The following PLCH1 variants were observed in gnomAD, a reference collection of about 807,000 sequenced individuals.
PLCH1 encodes the protein 1-phosphatidylinositol 4,5-bisphosphate phosphodiesterase eta-1.
PLCH1 carries 60 observed loss-of-function variants against 126.7 expected under a neutral mutation model. The observed-to-expected ratio is 0.47, with a 90% confidence interval of 0.38 to 0.59. PLCH1 has a LOEUF of 0.59. Among genes scored for constraint, PLCH1 ranks in the 20% least tolerant of loss-of-function variants. The pLI is 0.00. For synonymous variants in PLCH1, 719 were observed against 734.9 expected, an observed-to-expected ratio of 0.98 and a Z score of 0.35; for missense variants, 1,723 against 2,040.0, an observed-to-expected ratio of 0.84 and a Z score of 2.99.
At chr3:155,598,957 A>T (rs1733352592) in intron 2 of PLCH1, among the ~76,000 whole-genome samples, 2 of 151,038 alleles carry the variant, frequency 1.3e-5, no homozygotes, top group Admixed American at 1.3e-4. Flanking sequence ...AGGTCATGCA[A>T]GTGGGGCCCC....
intron 2 of PLCH1, among the ~76,000 whole-genome samples, chr3:155,644,402 A>T (rs1739762078): frequency 6.6e-6 from 1 of 152,188 alleles, no homozygotes; most frequent in African/African-American, 2.4e-5. Context: ...CAGGAGTTCA[A>T]GACCAGCCTG....
chr3:155,530,200 C>T (rs751448111), intron 10 of PLCH1, among the ~76,000 whole-genome samples: 72 of 152,202 alleles, frequency 4.7e-4, no homozygotes, highest in Non-Finnish European at 8.8e-4. Context: ...TGCTCTCAAT[C>T]CTTCCTAATG....
At chr3:155,466,975 T>A (rs1333501295) in intron 21 of PLCH1, among the ~76,000 whole-genome samples, 1 of 151,858 alleles carries the variant, frequency 6.6e-6, no homozygotes, top group African/African-American at 2.4e-5. Flanking sequence ...TAAAAAACAA[T>A]GAAGAATGCC....
intron 2 of PLCH1, among the ~76,000 whole-genome samples, chr3:155,629,157 G>T (rs917755894): frequency 6.6e-6 from 1 of 152,144 alleles, no homozygotes; most frequent in Non-Finnish European, 1.5e-5. Context: ...TACACATTAG[G>T]CTTTCAACAA....
chr3:155,526,855 A>G (rs1205855460), intron 10 of PLCH1, among the ~76,000 whole-genome samples: 1 of 152,224 alleles, frequency 6.6e-6, no homozygotes, highest in Non-Finnish European at 1.5e-5. Context: ...TACCTAACGT[A>G]AGCACCAACC....
At chr3:155,554,030 C>T (rs188619371) in intron 9 of PLCH1, 46 bp downstream of exon 9, 89 of 1,595,800 alleles carry the variant, frequency 5.6e-5, no homozygotes, top group Non-Finnish European at 7.5e-5. Context: ...AGGCAATGCT[C>T]CATGCGGGAG....
chr3:155,711,139 A>G (rs1370420192), intron 1 of PLCH1, among the ~76,000 whole-genome samples: 1 of 152,158 alleles, frequency 6.6e-6, no homozygotes, highest in African/African-American at 2.4e-5. Flanking sequence ...GACACCAAAC[A>G]CAAAAAATCC....
At chr3:155,602,514 G>T (rs566437897) in intron 2 of PLCH1, among the ~76,000 whole-genome samples, 1 of 150,130 alleles carries the variant, frequency 6.7e-6, no homozygotes, top group Admixed American at 6.6e-5. Flanking sequence ...TGTCATTAGG[G>T]GAGTTTGTCA....
At chr3:155,723,851 G>A (rs1333813357) in intron 1 of PLCH1, among the ~76,000 whole-genome samples, 1 of 151,628 alleles carries the variant, frequency 6.6e-6, no homozygotes, top group Non-Finnish European at 1.5e-5. Flanking sequence ...CTACTCAGGA[G>A]GCTGAGGCAG....
intron 13 of PLCH1, among the ~76,000 whole-genome samples, chr3:155,502,441 T>A (rs1221394435): frequency 6.6e-6 from 1 of 152,194 alleles, no homozygotes; most frequent in Non-Finnish European, 1.5e-5. Flanking sequence ...TTTAGTTAGG[T>A]GAAGTACTCC....
intron 6 of PLCH1, among the ~76,000 whole-genome samples, chr3:155,575,495 C>A (rs555731023): frequency 2.6e-5 from 4 of 152,208 alleles, no homozygotes; most frequent in African/African-American, 9.6e-5. Context: ...TATCAGATTA[C>A]AATAAGGAGA....
At chr3:155,521,778 AC>A (rs1298835843) in intron 11 of PLCH1, among the ~76,000 whole-genome samples, 1 of 117,382 alleles carries the variant, frequency 8.5e-6, no homozygotes, top group East Asian at 2.6e-4. Flanking sequence ...ATAGCAAAAA[AC>A]AATTTGAAAT....
Position 155,684,586 on chromosome 3 carries a change from T to TA in PLCH1, c.79+19559dup, listed in dbSNP as rs200515417. 4.7e-3 allele frequency among the ~76,000 whole-genome samples: 713 copies of TA among 151,052 alleles called. 2 individuals are homozygous for TA. Among genetic ancestry groups the TA allele is most frequent in the Middle Eastern group, 0.01 (3 of 290 alleles). On this transcript the variant is annotated intron_variant, in intron 2 of 22. Coordinates refer to ENST00000460012, the MANE Select transcript of PLCH1 (RefSeq NM_014996.4). ...GTAATGTCTGAGGAAGACATTTTAT[T>TA]AAAAAAAAAGATGACCTTTAGAGAA...
chr3:155,677,933 T>C (rs1744217116), intron 2 of PLCH1, among the ~76,000 whole-genome samples: 1 of 152,116 alleles, frequency 6.6e-6, no homozygotes, highest in Admixed American at 6.6e-5. Context: ...AACACAAAAT[T>C]GGTAACACCA....
At chr3:155,607,496 A>G (rs983183136) in intron 2 of PLCH1, among the ~76,000 whole-genome samples, 3 of 151,900 alleles carry the variant, frequency 2.0e-5, no homozygotes, top group Admixed American at 6.6e-5. Context: ...GCTGGAGTGC[A>G]CTGGTGTGAT....
chr3:155,659,838 T>C (rs1378296195), intron 2 of PLCH1, among the ~76,000 whole-genome samples: 1 of 152,030 alleles, frequency 6.6e-6, no homozygotes, highest in East Asian at 1.9e-4. Flanking sequence ...CTCACTATGT[T>C]GGCCAGGATA....
chr3:155,523,777 G>A (rs1576904749), intron 11 of PLCH1, 120 bp downstream of exon 11: 4 of 613,262 alleles, frequency 6.5e-6, no homozygotes, highest in East Asian at 5.8e-5. Context: ...AATTTTCAAT[G>A]AATATCCTTT....
intron 6 of PLCH1, among the ~76,000 whole-genome samples, chr3:155,569,680 T>C (rs949067333): frequency 6.6e-6 from 1 of 152,188 alleles, no homozygotes; most frequent in Non-Finnish European, 1.5e-5. Flanking sequence ...TAAAGATAAA[T>C]AATTTTTCAC....
At chr3:155,531,928 T>C (rs1722740246) in intron 10 of PLCH1, among the ~76,000 whole-genome samples, 1 of 152,222 alleles carries the variant, frequency 6.6e-6, no homozygotes, top group African/African-American at 2.4e-5. Flanking sequence ...CCACTCAAAC[T>C]TTCTCTCTAT....
Sources: gnomAD v4.1 joint callset for allele counts (sites outside exome capture counted in the v4.1 genomes callset) on GRCh38, gnomAD v4.1.1 for gene constraint, MANE v1.5 for transcripts, NCBI Gene and HGNC (gene_info 2026-07-23, HGNC 2026-07-21) for gene names.